The following RASA3 variants were observed in gnomAD, a reference collection of about 807,000 sequenced individuals.
The protein encoded by RASA3 is ras GTPase-activating protein 3.
In RASA3, 73 loss-of-function variants were observed where a neutral mutation model predicts 110.0. The observed-to-expected ratio is 0.66, with a 90% CI of 0.55 to 0.81. The LOEUF (loss-of-function observed/expected upper bound fraction) is 0.81. Among genes scored for constraint, RASA3 ranks in the 30% least tolerant of loss-of-function variants. The probability of loss-of-function intolerance (pLI) is 0.00; values close to 1 mark genes in which losing one functional copy is unlikely to be tolerated. For synonymous variants in RASA3, 500 were observed against 451.4 expected, an observed-to-expected ratio of 1.11 and a Z score of -1.37; for missense variants, 976 against 1,113.2, an observed-to-expected ratio of 0.88 and a Z score of 1.75.
chr13:114,027,407 A>G lies in RASA3; in HGVS notation c.585T>C (p.Asp195=). The G allele has an allele frequency of 1.2e-6, 2 of 1,612,734 alleles. No individual in the cohort carries two copies. Among genetic ancestry groups the G allele is most frequent in the East Asian group, 2.2e-5 (1 of 44,876 alleles). ...VKRKTNNPQF[D]EVFYFEVTRP... is the part of the protein sequence containing the mutation. ...TACCAACCTCAAAATAAAACACTTCATCGAACTGGGGATTGTTGGTCTTCC... is the reference window on the plus strand; with the variant it reads ...TACCAACCTCAAAATAAAACACTTCGTCGAACTGGGGATTGTTGGTCTTCC... Residue 195 remains aspartate, a synonymous_variant, in exon 7 of 24, where the codon GAT becomes GAC. Transcript: ENST00000334062.
At chr13:114,088,803 G>T (rs1255252439) in intron 1 of RASA3, among the ~76,000 whole-genome samples, 2 of 152,132 alleles carry the variant, frequency 1.3e-5, no homozygotes, top group Non-Finnish European at 2.9e-5. Context: ...AACCGCCTTG[G>T]CCTCCCAAAG....
intron 1 of RASA3, among the ~76,000 whole-genome samples, chr13:114,099,138 G>A (rs1229028765): frequency 1.8e-5 from 2 of 109,886 alleles, no homozygotes; most frequent in East Asian, 2.8e-4. Flanking sequence ...CACAGCAGTC[G>A]GGGCCCGGCC....
intron 7 of RASA3, among the ~76,000 whole-genome samples, chr13:114,025,934 C>T (rs2054017795): frequency 6.6e-6 from 1 of 152,132 alleles, no homozygotes; most frequent in Admixed American, 6.5e-5. Flanking sequence ...AAGAGGTCTG[C>T]TAAGGAAGGG....
At chr13:114,017,806 T>C (rs1476280517) in intron 11 of RASA3, among the ~76,000 whole-genome samples, 1 of 152,198 alleles carries the variant, frequency 6.6e-6, no homozygotes, top group Non-Finnish European at 1.5e-5. Context: ...CTGTGCTCCA[T>C]TTTTGTGGGC....
At chr13:114,032,797 ACGGCACCCCCACACTGACACCACG>A (rs2054196394) in intron 4 of RASA3, among the ~76,000 whole-genome samples, 3 of 26,564 alleles carry the variant, frequency 1.1e-4, no homozygotes, top group Admixed American at 5.6e-4. Context: ...ACCACGCCCC[ACGGCACCCCCACACTGACACCACG>A]CCCCACGGCA....
intron 7 of RASA3, among the ~76,000 whole-genome samples, chr13:114,025,761 T>C (rs1028220426): frequency 2.0e-5 from 3 of 152,262 alleles, no homozygotes; most frequent in Admixed American, 2.0e-4. Context: ...AAGAAAATGG[T>C]ACAGACGCTG....
intron 1 of RASA3, among the ~76,000 whole-genome samples, chr13:114,078,889 C>T (rs766712021): frequency 1.3e-5 from 2 of 152,162 alleles, no homozygotes; most frequent in South Asian, 2.1e-4. Context: ...CCGCAGCACC[C>T]GGAGCCACAC....
At chr13:114,031,889 G>C (rs1594355452) in intron 4 of RASA3, among the ~76,000 whole-genome samples, 1 of 152,142 alleles carries the variant, frequency 6.6e-6, no homozygotes, top group African/African-American at 2.4e-5. Context: ...CGGCAGAACC[G>C]ACAGCAGCCC....
intron 3 of RASA3, among the ~76,000 whole-genome samples, chr13:114,041,758 G>C (rs1426688218): frequency 6.6e-6 from 1 of 152,280 alleles, no homozygotes; most frequent in Non-Finnish European, 1.5e-5. Flanking sequence ...CTGAGAGCCA[G>C]AATGAGCTGC....
chr13:114,069,039 G>A (rs1311068162), intron 2 of RASA3, among the ~76,000 whole-genome samples: 2 of 152,150 alleles, frequency 1.3e-5, no homozygotes, highest in African/African-American at 2.4e-5. Context: ...GGCCTCGGAC[G>A]CGCGGCCCAG....
intron 5 of RASA3, among the ~76,000 whole-genome samples, chr13:114,028,345 AC>A (rs1244148000): frequency 1.4e-5 from 2 of 147,826 alleles, no homozygotes; most frequent in Non-Finnish European, 3.0e-5. Flanking sequence ...GGGGGCCAGG[AC>A]CCCTAAAACA....
chr13:114,131,437 G>A (rs2080517752), intron 1 of RASA3, among the ~76,000 whole-genome samples: 1 of 152,140 alleles, frequency 6.6e-6, no homozygotes, highest in African/African-American at 2.4e-5. Flanking sequence ...CTGGGGGAGG[G>A]GGAGGACTTC....
At chr13:114,088,695 C>T (rs1477411007) in intron 1 of RASA3, among the ~76,000 whole-genome samples, 5 of 152,060 alleles carry the variant, frequency 3.3e-5, no homozygotes, top group Non-Finnish European at 7.4e-5. Flanking sequence ...GGATTACAAG[C>T]GTGCGCCACC....
chr13:114,066,652 C>G (rs1345195921), intron 2 of RASA3, among the ~76,000 whole-genome samples: 1 of 152,252 alleles, frequency 6.6e-6, no homozygotes, highest in Non-Finnish European at 1.5e-5. Flanking sequence ...CGAGCAACCT[C>G]ATGCTCTCCG....
intron 1 of RASA3, among the ~76,000 whole-genome samples, chr13:114,121,455 C>T (rs903516878): frequency 1.3e-5 from 2 of 152,210 alleles, no homozygotes; most frequent in African/African-American, 2.4e-5. Flanking sequence ...CAACAGAAGC[C>T]CACCGGAGCC....
intron 1 of RASA3, among the ~76,000 whole-genome samples, chr13:114,111,549 C>T (rs1197485242): frequency 8.6e-6 from 1 of 116,618 alleles, no homozygotes; most frequent in East Asian, 2.0e-4. Flanking sequence ...CGAGTTCTAA[C>T]GGGCTGAGCC....
At chr13:113,988,451 A>C (rs1306495938) in intron 22 of RASA3, among the ~76,000 whole-genome samples, 8 of 9,064 alleles carry the variant, frequency 8.8e-4, no homozygotes, top group Admixed American at 2.2e-3. Context: ...TCCACCCATC[A>C]CTCACCCACC....
chr13:114,077,179 C>T (rs1046970863), intron 1 of RASA3, among the ~76,000 whole-genome samples: 1 of 152,190 alleles, frequency 6.6e-6, no homozygotes, highest in Non-Finnish European at 1.5e-5. Flanking sequence ...AAGGCGGACA[C>T]TGCAGGACGG....
intron 1 of RASA3, among the ~76,000 whole-genome samples, chr13:114,095,847 G>C (rs1354631607): frequency 6.6e-6 from 1 of 152,192 alleles, no homozygotes; most frequent in Non-Finnish European, 1.5e-5. Flanking sequence ...TCTGTGATTT[G>C]AGCAAATAAG....
Sources: allele counts gnomAD v4.1 joint callset (sites outside exome capture counted in the v4.1 genomes callset), GRCh38; gene constraint gnomAD v4.1.1; transcripts MANE v1.5; gene names NCBI Gene and HGNC (gene_info 2026-07-23, HGNC 2026-07-21).